The following SHOX variants were observed in gnomAD, a reference collection of about 807,000 sequenced individuals.
SHOX encodes the protein short stature homeobox protein.
Under a neutral mutation model 29.6 loss-of-function variants are expected in SHOX, and 12 were observed. The ratio of observed to expected loss-of-function variants is 0.41; its 90% CI spans 0.26 to 0.66. The LOEUF (loss-of-function observed/expected upper bound fraction) is 0.66. Among genes scored for constraint, SHOX ranks in the 30% least tolerant of loss-of-function variants. The pLI is 0.35. For synonymous variants in SHOX, 214 were observed against 200.6 expected (o/e 1.07, Z -0.57); for missense variants, 499 against 437.7 (o/e 1.14, Z -1.25).
chrX:626,674 T>A (rs1157455265), upstream of SHOX, among the ~76,000 whole-genome samples: 2 of 144,166 alleles, frequency 1.4e-5, no homozygotes, highest in African/African-American at 5.7e-5. Context: ...TGTCTCTGTA[T>A]CTCTGTCTAT....
At chrX:630,599 A>G, upstream of SHOX, 3 of 543,044 alleles carry the variant, frequency 5.5e-6, no homozygotes, top group Non-Finnish European at 9.9e-6. Context: ...CCTTCGCACC[A>G]AGGTGTACGG....
At chrX:641,791 C>T (rs977764103) in intron 4 of SHOX, among the ~76,000 whole-genome samples, 6 of 152,242 alleles carry the variant, frequency 3.9e-5, no homozygotes, top group Middle Eastern at 3.4e-3. Context: ...GGTGAAAAGT[C>T]CACACAGTCA....
In SHOX at chrX:634,691, G is replaced by C. The variant is rs1156913752; in HGVS notation, c.351G>C (p.Gln117His). The C allele has an allele frequency of 1.9e-6, 3 of 1,613,936 alleles. No individual in the cohort carries two copies. The highest frequency in any genetic ancestry group is 1.7e-6 in the Non-Finnish European group (2 of 1,179,860). ...AGGACGGGCAGACCAAGCTGAAACA[G>C]AGGCGCAGCCGCACCAACTTCACGC... ...EDEDGQTKLK[Q>H]RRSRTNFTLE... is the part of the protein sequence containing the mutation. Residue 117 changes from glutamine (Q) to histidine (H), a missense_variant, in exon 2 of 5, where the codon CAG (glutamine) becomes CAC (histidine). Coordinates refer to ENST00000686671, the MANE Select transcript of SHOX (RefSeq NM_000451.4).
intron 2 of SHOX, among the ~76,000 whole-genome samples, chrX:635,588 G>A (rs1339770200): frequency 6.6e-6 from 1 of 152,216 alleles, no homozygotes; most frequent in African/African-American, 2.4e-5. Context: ...GGGCACGGGG[G>A]CTCCCCGAGG....
Position 644,999 on chromosome X carries a change from TAG to T in SHOX, c.*366_*367del, listed in dbSNP as rs1396712657. 3 of 250,336 alleles carry T rather than the reference TAG, an allele frequency of 1.2e-5. No homozygotes were observed. The highest frequency in any genetic ancestry group is 2.3e-5 in the Non-Finnish European group (3 of 132,804). 15.5% of individuals were successfully genotyped at this position (250,336 alleles called of 1,614,324 possible). On this transcript the variant is annotated 3_prime_UTR_variant, in exon 5 of 5. Coordinates refer to ENST00000686671, the MANE Select transcript of SHOX (RefSeq NM_000451.4). ...TAACTACACACGTTTGGAAGATCCT[TAG>T]AGTCTATTGAAACTGCAAAGATCCC...
At chrX:657,677 C>T (rs1203719852) in intron 5 of SHOX, among the ~76,000 whole-genome samples, 1 of 152,116 alleles carries the variant, frequency 6.6e-6, no homozygotes, top group East Asian at 1.9e-4. Context: ...CTTCTCTTTC[C>T]CCAGGGAACC....
At position 649,440 on chromosome X, in the gene SHOX, C is replaced by T. The variant is rs1407722943; in HGVS notation, c.*4804C>T. On this transcript the variant is annotated 3_prime_UTR_variant, in exon 5 of 5. Coordinates refer to ENST00000686671, the MANE Select transcript of SHOX (RefSeq NM_000451.4). The stretch of plus-strand genomic sequence containing the variant: ...TTTCCCGGAAGGCCCTCCAGAGACA[C>T]GTTTGCGTGAACATTCAGCATGGAA... Among the ~76,000 whole-genome samples, 4 of 152,174 alleles carry T rather than the reference C, an allele frequency of 2.6e-5. No homozygotes were observed. The highest frequency in any genetic ancestry group is 4.4e-5 in the Non-Finnish European group (3 of 68,026).
At chrX:658,471 CTT>C (rs777890718) in intron 5 of SHOX, among the ~76,000 whole-genome samples, 88 of 134,390 alleles carry the variant, frequency 6.5e-4, no homozygotes, top group African/African-American at 1.3e-3. Context: ...AAAAAGAACT[CTT>C]TTTTTTTTTT....
Position 648,142 on chromosome X carries a change from G to A in SHOX, c.*3506G>A, listed in dbSNP as rs2052988298. Among the ~76,000 whole-genome samples the A allele has an allele frequency of 5.4e-5, 1 of 18,530 alleles. No individual in the cohort carries two copies. The highest frequency in any genetic ancestry group is 2.6e-4 in the African/African-American group (1 of 3,916). 12.2% of individuals were successfully genotyped at this position (18,530 alleles called of 152,430 possible). On this transcript the variant is annotated 3_prime_UTR_variant, in exon 5 of 5. Transcript: ENST00000686671. ...TACAGGCACCTGCCACCAGGCCTGG[G>A]TAACTTTCTGGTATTTTTAGTAGAG...
intron 1 of SHOX, among the ~76,000 whole-genome samples, chrX:632,879 G>A (rs1041393600): frequency 2.0e-5 from 3 of 152,140 alleles, no homozygotes; most frequent in East Asian, 1.9e-4. Context: ...AGCGCCCGGC[G>A]GCCGCTTCTG....
At chrX:634,957 G>A in intron 2 of SHOX, 131 bp downstream of exon 2, 1 of 946,538 alleles carries the variant, frequency 1.1e-6, no homozygotes. Flanking sequence ...GGTTGGGTGA[G>A]GGACGGGCTG....
intron 5 of SHOX, among the ~76,000 whole-genome samples, chrX:657,331 A>G (rs1011679349): frequency 2.6e-5 from 4 of 152,222 alleles, no homozygotes; most frequent in African/African-American, 7.2e-5. Flanking sequence ...GCCTGTTTAA[A>G]TAAAGCTTCC....
chrX:649,905 A>G lies in SHOX; in HGVS notation c.*5269A>G, dbSNP rs1569495843. On this transcript the variant is annotated 3_prime_UTR_variant, in exon 5 of 5. Coordinates refer to ENST00000686671, the MANE Select transcript of SHOX (RefSeq NM_000451.4). ...GGTGAAATCTGTTTCTGACATATCC[A>G]CTTTTCTCTCTCTTTTCTCTCTCTC... 1 of 455,846 alleles carries G rather than the reference A, an allele frequency of 2.2e-6. No individual in the cohort carries two copies. Among genetic ancestry groups the G allele is most frequent in the Non-Finnish European group, 4.4e-6 (1 of 226,786 alleles). 28.2% of individuals were successfully genotyped at this position (455,846 alleles called of 1,614,324 possible).
chrX:652,396 G>T (rs1316642366), downstream of SHOX, among the ~76,000 whole-genome samples: 1 of 133,964 alleles, frequency 7.5e-6, no homozygotes, highest in Non-Finnish European at 1.5e-5. Flanking sequence ...GAAAGTTCAT[G>T]ATTGGATTTG....
At chrX:629,872 A>C (rs977537889), upstream of SHOX, among the ~76,000 whole-genome samples, 1 of 152,188 alleles carries the variant, frequency 6.6e-6, no homozygotes, top group Admixed American at 6.5e-5. Context: ...AAGCACATTC[A>C]ATAGCGAGAG....
chrX:640,054 C>T (rs890392041), intron 2 of SHOX, among the ~76,000 whole-genome samples: 1 of 150,304 alleles, frequency 6.7e-6, no homozygotes, highest in Non-Finnish European at 1.5e-5. Context: ...AACCCAATTT[C>T]CAGTTCTAGG....
chrX:644,383 T>A lies in SHOX; in HGVS notation c.634-8T>A. On this transcript the variant is annotated splice_region_variant and splice_polypyrimidine_tract_variant and intron_variant, in intron 4 of 4. Transcript: ENST00000686671. ...TGCGCCCTCACCCCGCCGGGTCCGC[T>A]CCCGCAGGTCCAGGCTCAGCTGCAG... 1 of 1,519,138 alleles carries A rather than the reference T, an allele frequency of 6.6e-7. No individual in the cohort carries two copies. The highest frequency in any genetic ancestry group is 8.8e-7 in the Non-Finnish European group (1 of 1,140,966). The allele number at this position is 1,519,138 out of a possible 1,614,324, so 94.1% of individuals were successfully genotyped here. A position where few individuals can be genotyped will look rare whatever the true frequency, so the allele number is the denominator to read the frequency against.
intron 2 of SHOX, among the ~76,000 whole-genome samples, chrX:640,512 C>T (rs1219605853): frequency 2.6e-5 from 4 of 151,194 alleles, no homozygotes; most frequent in Non-Finnish European, 5.9e-5. Flanking sequence ...GGAGGTGGAG[C>T]TTGCAGTGAG....
At chrX:641,849 T>G (rs1334685895) in intron 4 of SHOX, among the ~76,000 whole-genome samples, 1 of 152,182 alleles carries the variant, frequency 6.6e-6, no homozygotes, top group Non-Finnish European at 1.5e-5. Flanking sequence ...CGCAGATGCC[T>G]GTGCCTGGAT....
Sources: gnomAD v4.1 joint callset for allele counts (sites outside exome capture counted in the v4.1 genomes callset) on GRCh38, gnomAD v4.1.1 for gene constraint, MANE v1.5 for transcripts, NCBI Gene and HGNC (gene_info 2026-07-23, HGNC 2026-07-21) for gene names.